Variants in ATF7IP2 observed in about 807,000 individuals in gnomAD.
The protein encoded by ATF7IP2 is activating transcription factor 7-interacting protein 2.
In ATF7IP2, 42 loss-of-function variants were observed where a neutral mutation model predicts 64.2. That is an observed-to-expected ratio of 0.65 (90% CI 0.51 to 0.85). ATF7IP2 has a LOEUF of 0.85. Ranked by LOEUF, ATF7IP2 falls within the 40% of genes least tolerant of loss-of-function variation. The pLI is 0.00. For synonymous variants in ATF7IP2, 308 were observed against 272.8 expected, an observed-to-expected ratio of 1.13 and a Z score of -1.27; for missense variants, 933 against 784.2, an observed-to-expected ratio of 1.19 and a Z score of -2.27.
chr16:10,470,479 T>G (rs900712332), intron 9 of ATF7IP2, among the ~76,000 whole-genome samples: 3 of 152,142 alleles, frequency 2.0e-5, no homozygotes, highest in African/African-American at 7.2e-5. Flanking sequence ...TTGTAGTAAG[T>G]AACAAACTGA....
rs941032935 is a variant in ATF7IP2, at chr16:10,430,970, A to G, written c.350A>G (p.Gln117Arg). Reference sequence around the variant, plus strand: ...TTGGAACAAGTTGTTTGTTCGTACCAAAAGCCAAGTAGAACAACAGAATCC... The same window carrying G: ...TTGGAACAAGTTGTTTGTTCGTACCGAAAGCCAAGTAGAACAACAGAATCC... ...TKLEQVVCSY[Q>R]KPSRTTESPS... The change falls in exon 5 of 14, where the codon CAA (glutamine) becomes CGA (arginine). Residue 117 changes from glutamine (Q) to arginine (R), a missense_variant. Transcript: ENST00000562102. The G allele has an allele frequency of 1.2e-6, 2 of 1,614,160 alleles. No individual in the cohort carries two copies. Among genetic ancestry groups the G allele is most frequent in the East Asian group, 2.2e-5 (1 of 44,890 alleles).
At chr16:10,431,753 GTTTTA>G (rs2048263186) in intron 5 of ATF7IP2, among the ~76,000 whole-genome samples, 1 of 147,856 alleles carries the variant, frequency 6.8e-6, no homozygotes, top group Admixed American at 6.7e-5. Context: ...TTATTTTGAA[GTTTTA>G]TTAGATTAAG....
chr16:10,428,518 G>A (rs1448502820), intron 3 of ATF7IP2, among the ~76,000 whole-genome samples: 1 of 152,132 alleles, frequency 6.6e-6, no homozygotes, highest in African/African-American at 2.4e-5. Flanking sequence ...GCAGTAGAGT[G>A]GTTTCAGGCA....
chr16:10,436,099 G>A (rs1332851280), intron 6 of ATF7IP2, among the ~76,000 whole-genome samples: 5 of 152,292 alleles, frequency 3.3e-5, no homozygotes, highest in East Asian at 1.9e-4. Context: ...GGTGGCTCAC[G>A]CTTATAATCC....
At chr16:10,450,620 G>A (rs188662527) in intron 8 of ATF7IP2, among the ~76,000 whole-genome samples, 1 of 152,168 alleles carries the variant, frequency 6.6e-6, no homozygotes, top group Non-Finnish European at 1.5e-5. Context: ...TTTTATCAGA[G>A]ACTAGGATTG....
At chr16:10,437,183 G>A (rs2048449686) in intron 6 of ATF7IP2, among the ~76,000 whole-genome samples, 1 of 151,990 alleles carries the variant, frequency 6.6e-6, no homozygotes, top group African/African-American at 2.4e-5. Flanking sequence ...ACCATGCCTG[G>A]CTAATTTTTG....
At chr16:10,443,664 C>T (rs1303596734) in intron 8 of ATF7IP2, among the ~76,000 whole-genome samples, 2 of 152,092 alleles carry the variant, frequency 1.3e-5, no homozygotes, top group Non-Finnish European at 2.9e-5. Flanking sequence ...GAGTGGCACC[C>T]ACTATTTGAT....
intron 6 of ATF7IP2, 117 bp downstream of exon 6, chr16:10,433,766 G>A (rs1386976247): frequency 1.7e-5 from 20 of 1,197,136 alleles, no homozygotes; most frequent in Middle Eastern, 4.6e-4. Flanking sequence ...CTGCAGAGCT[G>A]GTGTGTGAAA....
chr16:10,389,888 G>A (rs2047287604), intron 1 of ATF7IP2, among the ~76,000 whole-genome samples: 2 of 152,152 alleles, frequency 1.3e-5, no homozygotes, highest in African/African-American at 4.8e-5. Context: ...CCTGGCCTGA[G>A]TTTTGTTATT....
intron 2 of ATF7IP2, among the ~76,000 whole-genome samples, chr16:10,416,215 G>C (rs1244577620): frequency 1.3e-5 from 2 of 152,138 alleles, no homozygotes; most frequent in Non-Finnish European, 1.5e-5. Context: ...CTCATCAGCA[G>C]ATAAATGGAT....
rs201761991 is a variant in ATF7IP2, at chr16:10,473,889, C to T, written c.1483-34C>T. Reference sequence around the variant, plus strand: ...TTAAAAACATTTTCAGCTATTGAGGCAAAGCTTTTTTTTTTTTTTTACAAT... The same window carrying T: ...TTAAAAACATTTTCAGCTATTGAGGTAAAGCTTTTTTTTTTTTTTTACAAT... On this transcript the variant is annotated intron_variant, in intron 11 of 13. Transcript: ENST00000562102. 229 of 998,530 alleles carry T rather than the reference C, an allele frequency of 2.3e-4. No individual in the cohort carries two copies. In the African/African-American group the frequency reaches 6.7e-3, roughly 29 times the overall value. 61.9% of individuals were successfully genotyped at this position (998,530 alleles called of 1,614,324 possible).
intron 9 of ATF7IP2, among the ~76,000 whole-genome samples, chr16:10,460,741 T>C (rs561021097): frequency 7.9e-5 from 12 of 152,230 alleles, no homozygotes; most frequent in African/African-American, 2.6e-4. Context: ...TAAAGGAAAT[T>C]ATAAAGCTTT....
At chr16:10,425,135 G>A (rs554297916) in intron 3 of ATF7IP2, among the ~76,000 whole-genome samples, 127 of 147,144 alleles carry the variant, frequency 8.6e-4, no homozygotes, top group African/African-American at 3.0e-3. Context: ...CTCGGCTCAC[G>A]GCACCCTCTG....
intron 9 of ATF7IP2, among the ~76,000 whole-genome samples, chr16:10,467,573 A>ATTT (rs112151440): frequency 2.9e-4 from 42 of 144,772 alleles, no homozygotes; most frequent in Middle Eastern, 3.5e-3. Context: ...AGAAAAATCA[A>ATTT]TTTTTTTTTT....
intron 1 of ATF7IP2, among the ~76,000 whole-genome samples, chr16:10,395,845 G>C (rs1239998629): frequency 6.6e-6 from 1 of 152,058 alleles, no homozygotes; most frequent in African/African-American, 2.4e-5. Flanking sequence ...AGGTTTTCCT[G>C]CTAATTCAGG....
chr16:10,432,358 T>G (rs942038370), intron 5 of ATF7IP2, among the ~76,000 whole-genome samples: 2 of 152,174 alleles, frequency 1.3e-5, no homozygotes, highest in Non-Finnish European at 2.9e-5. Flanking sequence ...TGCTATAAAT[T>G]TTGTGTTCTT....
At chr16:10,433,737 T>C in intron 6 of ATF7IP2, 88 bp downstream of exon 6, 2 of 1,436,820 alleles carry the variant, frequency 1.4e-6, no homozygotes, top group Non-Finnish European at 1.9e-6. Context: ...AGTGGCATAA[T>C]ACAGACGACT....
intron 9 of ATF7IP2, among the ~76,000 whole-genome samples, chr16:10,465,250 G>A (rs941322632): frequency 1.6e-4 from 25 of 152,144 alleles, no homozygotes; most frequent in African/African-American, 6.0e-4. Flanking sequence ...GGCAGAGGCT[G>A]GATTTGGATC....
chr16:10,413,957 A>T lies in ATF7IP2; in HGVS notation c.-241-617A>T, dbSNP rs546328494. On this transcript the variant is annotated intron_variant, in intron 1 of 13. Transcript: ENST00000562102. ...ACCTGATGCTTTTGCCTTACAGCTC[A>T]TAAGATAGGTTTTCCTTTATAGATT... 1.2e-3 allele frequency among the ~76,000 whole-genome samples: 180 copies of T among 152,268 alleles called. 1 individual carries two copies. The highest frequency in any genetic ancestry group is 4.1e-3 in the African/African-American group (170 of 41,562).
Sources: gnomAD v4.1 joint callset for allele counts (sites outside exome capture counted in the v4.1 genomes callset) on GRCh38, gnomAD v4.1.1 for gene constraint, MANE v1.5 for transcripts, NCBI Gene and HGNC (gene_info 2026-07-23, HGNC 2026-07-21) for gene names.